The following KLHDC2 variants were observed in gnomAD, a reference collection of about 807,000 sequenced individuals.
KLHDC2 encodes the protein kelch domain containing 2.
KLHDC2 carries 38 observed loss-of-function variants against 62.3 expected under a neutral mutation model. That is an observed-to-expected ratio of 0.61 (90% CI 0.47 to 0.80). The LOEUF is 0.80. Among genes scored for constraint, KLHDC2 ranks in the 30% least tolerant of loss-of-function variants. The pLI is 0.00. For missense variants in KLHDC2, 430 were observed against 495.3 expected (o/e 0.87, Z 1.25); for synonymous variants, 159 against 161.0 (o/e 0.99, Z 0.09).
intron 6 of KLHDC2, among the ~76,000 whole-genome samples, chr14:49,779,271 T>A (rs1459704081): frequency 6.6e-6 from 1 of 152,224 alleles, no homozygotes; most frequent in Non-Finnish European, 1.5e-5. Flanking sequence ...AAATATTAGA[T>A]TTCTTTTCCC....
chr14:49,770,701 GT>G (rs1464874512), intron 1 of KLHDC2, among the ~76,000 whole-genome samples: 1 of 152,196 alleles, frequency 6.6e-6, no homozygotes, highest in Non-Finnish European at 1.5e-5. Flanking sequence ...ACTTTTTAGG[GT>G]TGTTGTGAGG....
At chr14:49,774,792 G>C in intron 3 of KLHDC2, 114 bp downstream of exon 3, 1 of 767,356 alleles carries the variant, frequency 1.3e-6, no homozygotes, top group Non-Finnish European at 2.4e-6. Context: ...TAAAAATGAT[G>C]TGTACTTGAT....
Position 49,782,523 on chromosome 14 carries a change from CT to C in KLHDC2, c.1045-17del. ...CAAAGCATTTGCTTTTAAATGTGTT[CT>C]TCCTATTTATTTTTCAGGCACACAG... On this transcript the variant is annotated intron_variant, in intron 11 of 12. Transcript: ENST00000298307. 1 of 1,602,446 alleles carries C rather than the reference CT, an allele frequency of 6.2e-7. No homozygotes were observed. Among genetic ancestry groups the C allele is most frequent in the Non-Finnish European group, 8.5e-7 (1 of 1,171,654 alleles).
chr14:49,771,551 TTAAA>T (rs1889664345), intron 1 of KLHDC2, 39 bp from the exon 2 acceptor site: 1 of 877,806 alleles, frequency 1.1e-6, no homozygotes, highest in Admixed American at 2.0e-5. Flanking sequence ...TAGTGCCTCT[TTAAA>T]ATACCAGTTT....
intron 10 of KLHDC2, among the ~76,000 whole-genome samples, chr14:49,781,930 A>T (rs1313955297): frequency 6.6e-6 from 1 of 152,224 alleles, no homozygotes. Context: ...TCATGCAAGT[A>T]AGACTTCATT....
At chr14:49,782,518 G>T in intron 11 of KLHDC2, 24 bp from the exon 12 acceptor site, 2 of 1,602,052 alleles carry the variant, frequency 1.2e-6, no homozygotes, top group Non-Finnish European at 1.7e-6. Context: ...GCTTTTAAAT[G>T]TGTTCTTCCT....
chr14:49,780,677 A>T, intron 9 of KLHDC2, 26 bp from the exon 10 acceptor site: 1 of 1,465,424 alleles, frequency 6.8e-7, no homozygotes, highest in South Asian at 1.1e-5. Context: ...ACAGACTAAC[A>T]TACTTCATTT....
chr14:49,768,442 G>A lies in KLHDC2; in HGVS notation c.-27G>A, dbSNP rs1345990648. 1.9e-6 allele frequency: 3 copies of A among 1,604,100 alleles called. No homozygotes were observed. The highest frequency in any genetic ancestry group is 1.1e-5 in the South Asian group (1 of 89,538). On this transcript the variant is annotated 5_prime_UTR_variant, in exon 1 of 13. Coordinates refer to ENST00000298307, the MANE Select transcript of KLHDC2 (RefSeq NM_014315.3). The stretch of plus-strand genomic sequence containing the variant: ...TTGGCCCCTCGCGGGTGTGGGCATT[G>A]TTGGTTAGCAAAAGTGCAGCCTCAA...
intron 1 of KLHDC2, among the ~76,000 whole-genome samples, chr14:49,769,978 G>T (rs965792216): frequency 6.6e-6 from 1 of 151,276 alleles, no homozygotes; most frequent in Non-Finnish European, 1.5e-5. Flanking sequence ...TTGCAAGAAG[G>T]GGGGCGGGGG....
chr14:49,768,828 A>G (rs1237696647), intron 1 of KLHDC2: 1 of 521,850 alleles, frequency 1.9e-6, no homozygotes, highest in Non-Finnish European at 3.3e-6. Flanking sequence ...TCGAACCTCC[A>G]GGGCTGCTGT....
rs761014202 is a variant in KLHDC2 at position 49,782,599 on chromosome 14, G to GTAAC, written c.1097+7_1097+10dup. ...TCAACCAAAATCTCTTGTACGGTAA[G>GTAAC]TAACTTTGTACTTGGCACTTAGATT... On this transcript the variant is annotated splice_donor_region_variant and intron_variant, in intron 12 of 12. Coordinates refer to ENST00000298307, the MANE Select transcript of KLHDC2 (RefSeq NM_014315.3). 9 of 1,596,016 alleles carry GTAAC rather than the reference G, an allele frequency of 5.6e-6. No individual in the cohort carries two copies. Among genetic ancestry groups the GTAAC allele is most frequent in the Non-Finnish European group, 7.7e-6 (9 of 1,167,642 alleles).
chr14:49,774,933 GC>G (rs1430112220), intron 3 of KLHDC2: 1 of 430,098 alleles, frequency 2.3e-6, no homozygotes, highest in Non-Finnish European at 4.2e-6. Context: ...GCTTTTTGCA[GC>G]TACTTGTTCT....
chr14:49,782,635 G>A, intron 12 of KLHDC2, 41 bp downstream of exon 12: 2 of 1,530,560 alleles, frequency 1.3e-6, no homozygotes, highest in Non-Finnish European at 1.8e-6. Flanking sequence ...ATTTAAAATT[G>A]TGTTTCCTAA....
chr14:49,774,023 A>G (rs934218401), intron 2 of KLHDC2, among the ~76,000 whole-genome samples: 3 of 152,222 alleles, frequency 2.0e-5, no homozygotes, highest in African/African-American at 7.2e-5. Context: ...ATTCAGATCA[A>G]TTTTTAGATT....
chr14:49,779,279 C>T (rs1350007058), intron 6 of KLHDC2, among the ~76,000 whole-genome samples: 1 of 152,148 alleles, frequency 6.6e-6, no homozygotes, highest in East Asian at 1.9e-4. Flanking sequence ...GATTTCTTTT[C>T]CCTCTGACAC....
chr14:49,776,890 C>A (rs923814921), intron 3 of KLHDC2, among the ~76,000 whole-genome samples: 3 of 150,524 alleles, frequency 2.0e-5, no homozygotes, highest in African/African-American at 7.3e-5. Context: ...GCACTCCAGC[C>A]TGGGTGACAG....
At position 49,779,729 on chromosome 14, in the gene KLHDC2, CTT is replaced by C. The variant is rs751401988; in HGVS notation, c.715-18_715-17del. ...GCTTTTGAATTCTTCAAAATGATAA[CTT>C]AATTATCCTTTTTTAGGATGCTAGA... On this transcript the variant is annotated splice_polypyrimidine_tract_variant and intron_variant, in intron 7 of 12. Transcript: ENST00000298307. 8.1e-6 allele frequency: 13 copies of C among 1,605,208 alleles called. No homozygotes were observed. The highest frequency in any genetic ancestry group is 2.7e-5 in the African/African-American group (2 of 74,740).
intron 3 of KLHDC2, among the ~76,000 whole-genome samples, chr14:49,775,341 CAGAA>C (rs1035881694): frequency 2.6e-5 from 4 of 152,132 alleles, no homozygotes; most frequent in African/African-American, 7.2e-5. Flanking sequence ...ACACTGGAGA[CAGAA>C]AGAATGATAT....
In KLHDC2 at chr14:49,778,505, A is replaced by G. The variant is rs777306124; in HGVS notation, c.633+11A>G. 1.9e-5 allele frequency: 26 copies of G among 1,367,172 alleles called. No homozygotes were observed. The highest frequency in any genetic ancestry group is 2.6e-5 in the Non-Finnish European group (25 of 964,750). 84.7% of individuals were successfully genotyped at this position (1,367,172 alleles called of 1,614,324 possible). On this transcript the variant is annotated intron_variant, in intron 6 of 12. Transcript: ENST00000298307. The stretch of plus-strand genomic sequence containing the variant: ...CAGCCTATAACTACTGTGAGTTACT[A>G]AAGAATAATGAATTGTTAAGGATAC...
Sources: allele counts gnomAD v4.1 joint callset (sites outside exome capture counted in the v4.1 genomes callset), GRCh38; gene constraint gnomAD v4.1.1; transcripts MANE v1.5; gene names NCBI Gene and HGNC (gene_info 2026-07-23, HGNC 2026-07-21).